Variants in EYS observed in about 807,000 individuals in gnomAD.
EYS encodes protein eyes shut homolog.
A neutral mutation model predicts 282.1 loss-of-function variants in EYS; 250 were observed. The observed-to-expected ratio is 0.89, with a 90% CI of 0.80 to 0.98. EYS has a LOEUF of 0.98. Among genes scored for constraint, EYS ranks in the 50% least tolerant of loss-of-function variants. The probability of loss-of-function intolerance (pLI) is 0.00; values close to 1 mark genes in which losing one functional copy is unlikely to be tolerated. For missense variants in EYS, 4,016 were observed against 3,709.0 expected, an observed-to-expected ratio of 1.08 and a Z score of -2.15; for synonymous variants, 1,355 against 1,282.9, an observed-to-expected ratio of 1.06 and a Z score of -1.20.
intron 13 of EYS, among the ~76,000 whole-genome samples, chr6:65,007,034 AAGGCAATGTT>A (rs1382099458): frequency 6.6e-6 from 1 of 152,194 alleles, no homozygotes; most frequent in Non-Finnish European, 1.5e-5. Context: ...CCTGAGTGCA[AAGGCAATGTT>A]AGGCATGCTG....
chr6:63,939,130 A>ATTT (rs59373055), intron 35 of EYS, among the ~76,000 whole-genome samples: 15 of 143,568 alleles, frequency 1.0e-4, no homozygotes, highest in African/African-American at 3.3e-4. Flanking sequence ...TTGTGAGGGG[A>ATTT]TTTTTTTTTT....
intron 10 of EYS, among the ~76,000 whole-genome samples, chr6:65,338,904 AT>A (rs1489389991): frequency 6.6e-6 from 1 of 151,210 alleles, no homozygotes; most frequent in Non-Finnish European, 1.5e-5. Flanking sequence ...AATGTTCTGC[AT>A]AGGTAAATAA....
rs568235542 is a variant in EYS at position 64,973,998 on chromosome 6, T to C, written c.2259+23584A>G. Among the ~76,000 whole-genome samples, 85 of 151,998 alleles carry C rather than the reference T, an allele frequency of 5.6e-4. 2 individuals are homozygous for C. The South Asian group carries it at 0.018, about 32-fold the overall frequency. On this transcript the variant is annotated intron_variant, in intron 14 of 42. Coordinates refer to ENST00000503581, the MANE Select transcript of EYS (RefSeq NM_001142800.2). The stretch of plus-strand genomic sequence containing the variant: ...CTTAAATAAATTTAGAAAACATTCA[T>C]TGAGAAAGAGAATATACACAGCAGC...
At chr6:64,547,748 G>A (rs575762930) in intron 26 of EYS, among the ~76,000 whole-genome samples, 14 of 152,340 alleles carry the variant, frequency 9.2e-5, no homozygotes, top group African/African-American at 3.4e-4. Flanking sequence ...TTGGGTGGTC[G>A]ATGGGACTGG....
At chr6:64,602,392 A>T (rs1766789442) in intron 24 of EYS, among the ~76,000 whole-genome samples, 1 of 152,092 alleles carries the variant, frequency 6.6e-6, no homozygotes, top group Admixed American at 6.6e-5. Context: ...TTATATTACA[A>T]GAAAAACAAC....
intron 24 of EYS, among the ~76,000 whole-genome samples, chr6:64,609,130 G>A (rs960715548): frequency 6.6e-6 from 1 of 152,170 alleles, no homozygotes; most frequent in Admixed American, 6.6e-5. Flanking sequence ...TAGTGAGGGA[G>A]CCTGTGCATG....
intron 29 of EYS, among the ~76,000 whole-genome samples, chr6:64,360,786 A>C (rs1459512426): frequency 1.3e-5 from 2 of 151,770 alleles, no homozygotes; most frequent in Non-Finnish European, 2.9e-5. Context: ...TGTTACTCAT[A>C]AAATGTACTA....
intron 35 of EYS, among the ~76,000 whole-genome samples, chr6:63,928,216 T>C (rs947368869): frequency 1.1e-4 from 17 of 152,226 alleles, no homozygotes; most frequent in African/African-American, 4.1e-4. Context: ...AGAAGGTTTA[T>C]GCTGACTTAT....
chr6:64,256,025 T>A (rs540415604), intron 30 of EYS, among the ~76,000 whole-genome samples: 1 of 152,174 alleles, frequency 6.6e-6, no homozygotes, highest in South Asian at 2.1e-4. Flanking sequence ...ATGAATATCC[T>A]TTTAATTCTT....
At chr6:64,690,704 T>C (rs1770347975) in intron 22 of EYS, among the ~76,000 whole-genome samples, 1 of 152,106 alleles carries the variant, frequency 6.6e-6, no homozygotes, top group Admixed American at 6.6e-5. Context: ...CTGGAATCCA[T>C]CATTCTGAGC....
intron 28 of EYS, among the ~76,000 whole-genome samples, chr6:64,392,876 G>A (rs1471950562): frequency 8.6e-5 from 13 of 151,868 alleles, no homozygotes; most frequent in East Asian, 5.8e-4. Context: ...TTGATAGACC[G>A]CTAGCAAGAC....
At chr6:64,428,453 A>G (rs769862000) in intron 28 of EYS, among the ~76,000 whole-genome samples, 1 of 152,148 alleles carries the variant, frequency 6.6e-6, no homozygotes, top group Non-Finnish European at 1.5e-5. Context: ...TTAAGTAGAA[A>G]TTTTAACTGT....
At chr6:64,815,995 T>C (rs1764733454) in intron 21 of EYS, among the ~76,000 whole-genome samples, 1 of 152,134 alleles carries the variant, frequency 6.6e-6, no homozygotes, top group Non-Finnish European at 1.5e-5. Flanking sequence ...AGGGTTGTCC[T>C]GTGATCTCTT....
intron 18 of EYS, among the ~76,000 whole-genome samples, chr6:64,897,545 C>T (rs1767514476): frequency 1.3e-5 from 2 of 152,298 alleles, no homozygotes; most frequent in Non-Finnish European, 2.9e-5. Flanking sequence ...AATGCCTCTT[C>T]TTCTCCAAAG....
At chr6:64,100,256 C>G (rs968564726) in intron 31 of EYS, among the ~76,000 whole-genome samples, 5 of 152,104 alleles carry the variant, frequency 3.3e-5, no homozygotes, top group African/African-American at 9.7e-5. Flanking sequence ...TCAGGCCTAA[C>G]TTCCTGTTCT....
At chr6:65,133,827 A>G (rs535153138) in intron 12 of EYS, among the ~76,000 whole-genome samples, 2 of 152,250 alleles carry the variant, frequency 1.3e-5, no homozygotes, top group Admixed American at 1.3e-4. Flanking sequence ...AACAGGGTAA[A>G]CAGACAACCT....
intron 12 of EYS, among the ~76,000 whole-genome samples, chr6:65,249,467 C>T (rs1035998562): frequency 1.3e-5 from 2 of 151,946 alleles, no homozygotes; most frequent in South Asian, 2.1e-4. Context: ...CCAAACAACC[C>T]TAAAGAGTTA....
At chr6:65,007,220 G>A (rs1012538425) in intron 13 of EYS, among the ~76,000 whole-genome samples, 1 of 152,102 alleles carries the variant, frequency 6.6e-6, no homozygotes. Context: ...GGACCATAGA[G>A]GATGCTCTAG....
At chr6:65,275,515 C>T (rs1416467692) in intron 12 of EYS, among the ~76,000 whole-genome samples, 1 of 152,180 alleles carries the variant, frequency 6.6e-6, no homozygotes, top group East Asian at 1.9e-4. Flanking sequence ...ACTGTCTTCT[C>T]TCTTTGAGCC....
Sources: allele counts gnomAD v4.1 joint callset (sites outside exome capture counted in the v4.1 genomes callset), GRCh38; gene constraint gnomAD v4.1.1; transcripts MANE v1.5; gene names NCBI Gene and HGNC (gene_info 2026-07-23, HGNC 2026-07-21).